ATF1: variants seen among roughly 807,000 people sequenced by gnomAD.
The protein encoded by ATF1 is activating transcription factor 1.
Under a neutral mutation model 34.7 loss-of-function variants are expected in ATF1, and 16 were observed. The ratio of observed to expected loss-of-function variants is 0.46; its 90% CI spans 0.31 to 0.70. The LOEUF (loss-of-function observed/expected upper bound fraction) is 0.70, where lower values mean the gene tolerates loss of function less well. ATF1 is among the 30% of genes least tolerant of loss of function. The pLI is 0.05. For synonymous variants in ATF1, 105 were observed against 113.1 expected, an observed-to-expected ratio of 0.93 and a Z score of 0.46; for missense variants, 255 against 321.6, an observed-to-expected ratio of 0.79 and a Z score of 1.58.
intron 1 of ATF1, among the ~76,000 whole-genome samples, chr12:50,769,086 A>G (rs1053830508): frequency 6.6e-6 from 1 of 152,250 alleles, no homozygotes; most frequent in East Asian, 1.9e-4. Context: ...GGAACATGTA[A>G]CTGAGACTAT....
In ATF1 at chr12:50,820,920, G is replaced by A. The variant is rs1362871438; in HGVS notation, c.*1141G>A. On this transcript the variant is annotated 3_prime_UTR_variant, in exon 7 of 7. Transcript: ENST00000262053. ...CTCAAAGTATCATTTTTATATTATG[G>A]GACGTTTTCAGATTGGCTAATATTT... 5.6e-6 allele frequency: 1 copy of A among 179,186 alleles called. No individual in the cohort carries two copies. The highest frequency in any genetic ancestry group is 2.4e-5 in the African/African-American group (1 of 42,210). The allele number at this position is 179,186 out of a possible 1,614,324, so 11.1% of individuals were successfully genotyped here. A position where few individuals can be genotyped will look rare whatever the true frequency, so the allele number is the denominator to read the frequency against.
intron 4 of ATF1, among the ~76,000 whole-genome samples, 189 bp downstream of exon 4, chr12:50,809,778 TTA>T (rs1158655632): frequency 6.6e-6 from 1 of 152,256 alleles, no homozygotes; most frequent in Non-Finnish European, 1.5e-5. Flanking sequence ...ACATAGGCAA[TTA>T]TCAATGTATG....
intron 2 of ATF1, among the ~76,000 whole-genome samples, chr12:50,784,042 A>G (rs2139655370): frequency 1.3e-5 from 2 of 152,118 alleles, no homozygotes; most frequent in Middle Eastern, 6.8e-3. Flanking sequence ...GTTTGTCTGC[A>G]GTCCCAACTA....
At chr12:50,772,983 C>G (rs560967352) in intron 1 of ATF1, among the ~76,000 whole-genome samples, 2 of 152,302 alleles carry the variant, frequency 1.3e-5, no homozygotes, top group South Asian at 4.1e-4. Flanking sequence ...CGTGTTCTCA[C>G]CATTCAGCTC....
intron 6 of ATF1, among the ~76,000 whole-genome samples, chr12:50,818,237 T>A (rs1266045414): frequency 6.6e-6 from 1 of 151,826 alleles, no homozygotes. Context: ...GGCAACATAC[T>A]GAGACCTCAT....
chr12:50,774,989 C>T lies in ATF1; in HGVS notation c.-6-5151C>T, dbSNP rs1209860499. ...TCGATCTCCTGACCTTGTGATCCGCCTGCCTCGGCCTCCCAAAGTGCTGGG... is the reference window on the plus strand; with the variant it reads ...TCGATCTCCTGACCTTGTGATCCGCTTGCCTCGGCCTCCCAAAGTGCTGGG... On this transcript the variant is annotated intron_variant, in intron 1 of 6. Transcript: ENST00000262053. 7.9e-5 allele frequency among the ~76,000 whole-genome samples: 12 copies of T among 151,954 alleles called. 1 individual carries two copies. The highest frequency in any genetic ancestry group is 7.9e-4 in the Admixed American group (12 of 15,246).
intron 1 of ATF1, among the ~76,000 whole-genome samples, chr12:50,766,640 A>G: frequency 6.6e-6 from 1 of 150,774 alleles, no homozygotes; most frequent in East Asian, 2.0e-4. Flanking sequence ...ATATCTCCCA[A>G]TGCTATCCCT....
intron 1 of ATF1, among the ~76,000 whole-genome samples, chr12:50,779,638 C>A (rs575213839): frequency 6.6e-6 from 1 of 151,890 alleles, no homozygotes; most frequent in East Asian, 1.9e-4. Flanking sequence ...GGTTCTCTCC[C>A]TATTTGCCGT....
At chr12:50,807,802 G>GTTT (rs60898769) in intron 3 of ATF1, among the ~76,000 whole-genome samples, 1 of 141,880 alleles carries the variant, frequency 7.0e-6, no homozygotes, top group Admixed American at 7.2e-5. Context: ...TTGTGTGTGT[G>GTTT]TTTTTTTTTT....
chr12:50,779,420 T>G (rs1941004925), intron 1 of ATF1, among the ~76,000 whole-genome samples: 1 of 152,170 alleles, frequency 6.6e-6, no homozygotes, highest in Non-Finnish European at 1.5e-5. Flanking sequence ...CAACACTTAG[T>G]ATTTTCTGTG....
intron 2 of ATF1, among the ~76,000 whole-genome samples, chr12:50,785,983 C>G (rs748962351): frequency 3.3e-5 from 5 of 152,178 alleles, no homozygotes; most frequent in Non-Finnish European, 7.3e-5. Flanking sequence ...AAGCAAGTCA[C>G]AAGTCCCTCC....
rs558287079 is a variant in ATF1, at chr12:50,772,627, A to G, written c.-6-7513A>G. On this transcript the variant is annotated intron_variant, in intron 1 of 6. Transcript: ENST00000262053. ...AGGTGTGACCCACTGTGCCTGGCCA[A>G]GTTGTCCCATTTCTAAAGCTGGGGT... is the stretch of plus-strand genomic sequence containing the variant. 3.9e-5 allele frequency among the ~76,000 whole-genome samples: 6 copies of G among 151,956 alleles called. No individual in the cohort carries two copies. In the South Asian group the frequency reaches 1.2e-3, roughly 32 times the overall value.
At chr12:50,773,249 T>C (rs537581835) in intron 1 of ATF1, among the ~76,000 whole-genome samples, 4 of 152,308 alleles carry the variant, frequency 2.6e-5, no homozygotes, top group Admixed American at 2.6e-4. Flanking sequence ...ATCTTTATAA[T>C]AGAATGATTT....
intron 3 of ATF1, among the ~76,000 whole-genome samples, chr12:50,804,352 T>G (rs1359865169): frequency 6.6e-6 from 1 of 152,098 alleles, no homozygotes; most frequent in African/African-American, 2.4e-5. Context: ...AATCCAAATG[T>G]GTATGCATCT....
At chr12:50,778,084 T>C (rs1940969648) in intron 1 of ATF1, among the ~76,000 whole-genome samples, 1 of 151,886 alleles carries the variant, frequency 6.6e-6, no homozygotes. Context: ...GCCCAGCTAA[T>C]TTTTTATTTT....
rs1940729890 is a variant in ATF1, at chr12:50,769,865, GA to G, written c.-7+5561del. Among the ~76,000 whole-genome samples the G allele has an allele frequency of 1.3e-5, 2 of 152,146 alleles. 1 individual carries two copies. Among genetic ancestry groups the G allele is most frequent in the African/African-American group, 4.8e-5 (2 of 41,430 alleles). ...TAAATGCAGGTTTCTAATAACTTTG[GA>G]AATTGTAACATTAGAATAGAGGAAA... On this transcript the variant is annotated intron_variant, in intron 1 of 6. Coordinates refer to ENST00000262053, the MANE Select transcript of ATF1 (RefSeq NM_005171.5).
intron 6 of ATF1, among the ~76,000 whole-genome samples, chr12:50,818,154 G>A (rs112453883): frequency 6.6e-5 from 10 of 152,078 alleles, no homozygotes; most frequent in Non-Finnish European, 1.0e-4. Flanking sequence ...AGAAATACAC[G>A]TAAAGAATGG....
chr12:50,775,007 G>T (rs1940879193), intron 1 of ATF1, among the ~76,000 whole-genome samples: 1 of 151,980 alleles, frequency 6.6e-6, no homozygotes, highest in Non-Finnish European at 1.5e-5. Context: ...GCCTCCCAAA[G>T]TGCTGGGATT....
intron 2 of ATF1, among the ~76,000 whole-genome samples, chr12:50,780,946 C>T (rs73096846): frequency 0.24 from 35,764 of 151,206 alleles, 4,969 homozygotes; most frequent in East Asian, 0.4. Context: ...GGCAATAGAA[C>T]GAGACTCCAT....
Sources: gnomAD v4.1 joint callset for allele counts (sites outside exome capture counted in the v4.1 genomes callset) on GRCh38, gnomAD v4.1.1 for gene constraint, MANE v1.5 for transcripts, NCBI Gene and HGNC (gene_info 2026-07-23, HGNC 2026-07-21) for gene names.